RHPN2: variants seen among roughly 807,000 people sequenced by gnomAD.
RHPN2 encodes the protein rhophilin Rho GTPase binding protein 2.
A neutral mutation model predicts 79.0 loss-of-function variants in RHPN2; 40 were observed. The observed-to-expected ratio is 0.51, with a 90% CI of 0.39 to 0.66. The LOEUF (loss-of-function observed/expected upper bound fraction) is 0.66. RHPN2 is among the 30% of genes least tolerant of loss of function. RHPN2 has a pLI of 0.00. For missense variants in RHPN2, 686 were observed against 883.5 expected (o/e 0.78, Z 2.83); for synonymous variants, 285 against 363.5 (o/e 0.78, Z 2.46).
chr19:33,001,570 GATC>G lies in RHPN2; in HGVS notation c.1105+674_1105+676del, dbSNP rs1193656595. Among the ~76,000 whole-genome samples the G allele has an allele frequency of 7.2e-5, 11 of 151,840 alleles. No homozygotes were observed. In the East Asian group the frequency reaches 1.7e-3, roughly 24 times the overall value. On this transcript the variant is annotated intron_variant, in intron 9 of 14. Coordinates refer to ENST00000254260, the MANE Select transcript of RHPN2 (RefSeq NM_033103.5). ...AAATAATAAAATAAAATAAAATTCCGATCATCACAGATTTTTTTTGCATTAATT... is the reference window on the plus strand; with the variant it reads ...AAATAATAAAATAAAATAAAATTCCGATCACAGATTTTTTTTGCATTAATT...
intron 2 of RHPN2, among the ~76,000 whole-genome samples, chr19:33,039,675 TAAAAATACA>T (rs1458290154): frequency 6.6e-6 from 1 of 151,768 alleles, no homozygotes; most frequent in Non-Finnish European, 1.5e-5. Flanking sequence ...TCGTCTCTAC[TAAAAATACA>T]AAAATTAGCC....
intron 2 of RHPN2, among the ~76,000 whole-genome samples, chr19:33,030,312 G>A (rs901742939): frequency 6.6e-6 from 1 of 152,144 alleles, no homozygotes; most frequent in African/African-American, 2.4e-5. Flanking sequence ...TACATTTTAA[G>A]CCAGGTGCAG....
chr19:33,015,525 C>G (rs1214321776), intron 4 of RHPN2, among the ~76,000 whole-genome samples: 3 of 151,874 alleles, frequency 2.0e-5, no homozygotes, highest in Non-Finnish European at 4.4e-5. Context: ...CAAACATTCT[C>G]TAGCCCACAC....
At chr19:33,044,628 C>T (rs1273798971) in intron 1 of RHPN2, among the ~76,000 whole-genome samples, 1 of 152,210 alleles carries the variant, frequency 6.6e-6, no homozygotes, top group South Asian at 2.1e-4. Flanking sequence ...CACTGTGGCT[C>T]ATGCCTGTAA....
At chr19:33,058,538 T>C (rs1972252901) in intron 1 of RHPN2, among the ~76,000 whole-genome samples, 1 of 152,146 alleles carries the variant, frequency 6.6e-6, no homozygotes, top group Admixed American at 6.6e-5. Context: ...TCCCAGCACT[T>C]TGGGAGGCCG....
chr19:33,019,825 T>C (rs919471910), intron 4 of RHPN2, among the ~76,000 whole-genome samples: 2 of 151,954 alleles, frequency 1.3e-5, no homozygotes, highest in Non-Finnish European at 2.9e-5. Context: ...GCAATTTTCA[T>C]GATACTAGGA....
At chr19:33,007,948 G>C (rs1971805950) in intron 7 of RHPN2, 66 bp downstream of exon 7, 4 of 1,556,334 alleles carry the variant, frequency 2.6e-6, no homozygotes, top group South Asian at 2.2e-5. Context: ...TCTCTTCAGT[G>C]GGGGGTCCCC....
At chr19:33,048,953 C>CGGA (rs1162998674) in intron 1 of RHPN2, among the ~76,000 whole-genome samples, 1 of 151,958 alleles carries the variant, frequency 6.6e-6, no homozygotes, top group Non-Finnish European at 1.5e-5. Context: ...TTCCAAACTA[C>CGGA]GGATAAGAAT....
intron 2 of RHPN2, among the ~76,000 whole-genome samples, chr19:33,031,524 C>T (rs7252340): frequency 0.014 from 2,165 of 152,030 alleles, 32 homozygotes; most frequent in Middle Eastern, 0.037. Flanking sequence ...GGATTACAGG[C>T]GTGAGCCACG....
chr19:33,025,165 T>C (rs1207300499), intron 3 of RHPN2, among the ~76,000 whole-genome samples: 12 of 151,922 alleles, frequency 7.9e-5, no homozygotes, highest in Admixed American at 7.2e-4. Flanking sequence ...AATGATACAA[T>C]AGAGTGCCTT....
At position 33,005,607 on chromosome 19, in the gene RHPN2, C is replaced by CAA. The variant is rs576054331; in HGVS notation, c.760+2405_760+2406dup. 6.7e-3 allele frequency among the ~76,000 whole-genome samples: 418 copies of CAA among 62,324 alleles called. 9 individuals carry two copies. The highest frequency in any genetic ancestry group is 0.02 in the African/African-American group (330 of 16,572). 40.9% of individuals were successfully genotyped at this position (62,324 alleles called of 152,430 possible). ...TGGTTCCTCTGGTTTTGTTGCTGAG[C>CAA]AAAAAAAAAAAAAAAAAAGCCCTGC... On this transcript the variant is annotated intron_variant, in intron 7 of 14. Coordinates refer to ENST00000254260, the MANE Select transcript of RHPN2 (RefSeq NM_033103.5).
intron 10 of RHPN2, among the ~76,000 whole-genome samples, chr19:32,999,258 TG>T (rs1971729365): frequency 1.3e-5 from 2 of 152,060 alleles, no homozygotes; most frequent in Non-Finnish European, 1.5e-5. Flanking sequence ...TAGGTGTTCT[TG>T]GTAATTCAGC....
At chr19:32,982,910 C>G (rs909256994) in intron 14 of RHPN2, among the ~76,000 whole-genome samples, 1 of 152,054 alleles carries the variant, frequency 6.6e-6, no homozygotes, top group Non-Finnish European at 1.5e-5. Context: ...TGTTTCTTAT[C>G]TTCGCTCTCC....
intron 1 of RHPN2, among the ~76,000 whole-genome samples, chr19:33,045,732 C>A (rs113528785): frequency 1.7e-3 from 259 of 152,330 alleles, no homozygotes; most frequent in African/African-American, 5.8e-3. Flanking sequence ...CCTCAGCCCC[C>A]CAAAGTGCTG....
chr19:33,041,584 G>T (rs1298089869), intron 2 of RHPN2, among the ~76,000 whole-genome samples: 1 of 152,156 alleles, frequency 6.6e-6, no homozygotes, highest in Admixed American at 6.6e-5. Context: ...TCGGGCCTCA[G>T]AAAGGGTGAC....
chr19:33,049,033 A>G (rs1434834407), intron 1 of RHPN2, among the ~76,000 whole-genome samples: 3 of 152,056 alleles, frequency 2.0e-5, no homozygotes, highest in Non-Finnish European at 4.4e-5. Flanking sequence ...TAACCAGCCC[A>G]TAGATATGTG....
At chr19:32,991,376 T>C (rs538212116) in intron 13 of RHPN2, 1 of 234,364 alleles carries the variant, frequency 4.3e-6, no homozygotes, top group South Asian at 5.5e-5. Flanking sequence ...GGAGAATTAC[T>C]TGAACCCAGG....
At chr19:33,000,934 G>A (rs572045095) in intron 9 of RHPN2, among the ~76,000 whole-genome samples, 1 of 152,254 alleles carries the variant, frequency 6.6e-6, no homozygotes, top group South Asian at 2.1e-4. Flanking sequence ...TTCACATCTT[G>A]TCTCACCTAA....
At chr19:33,060,866 C>T (rs7249860) in intron 1 of RHPN2, among the ~76,000 whole-genome samples, 26,146 of 152,030 alleles carry the variant, frequency 0.17, 2,866 homozygotes, top group South Asian at 0.31. Context: ...ATCAGTAGTC[C>T]GTAAAAGAGA....
Sources: allele counts gnomAD v4.1 joint callset (sites outside exome capture counted in the v4.1 genomes callset), GRCh38; gene constraint gnomAD v4.1.1; transcripts MANE v1.5; gene names NCBI Gene and HGNC (gene_info 2026-07-23, HGNC 2026-07-21).